The following MARCHF11 variants were observed in gnomAD, a reference collection of about 807,000 sequenced individuals.
MARCHF11 encodes the protein membrane associated ring-CH-type finger 11, also known as E3 ubiquitin-protein ligase MARCHF11.
Under a neutral mutation model 37.3 loss-of-function variants are expected in MARCHF11, and 29 were observed. That is an observed-to-expected ratio of 0.78 (90% confidence interval 0.58 to 1.06). The LOEUF (loss-of-function observed/expected upper bound fraction) is 1.06. MARCHF11 is among the 50% of genes least tolerant of loss of function. The pLI is 0.00. For synonymous variants in MARCHF11, 233 were observed against 228.0 expected, an observed-to-expected ratio of 1.02 and a Z score of -0.20; for missense variants, 482 against 533.4, an observed-to-expected ratio of 0.90 and a Z score of 0.95.
At chr5:16,108,791 A>G (rs1233931862) in intron 2 of MARCHF11, among the ~76,000 whole-genome samples, 1 of 152,144 alleles carries the variant, frequency 6.6e-6, no homozygotes, top group Non-Finnish European at 1.5e-5. Context: ...AAGTTACCTG[A>G]GGATGTTGTG....
chr5:16,081,601 C>T (rs1736609953), intron 3 of MARCHF11, among the ~76,000 whole-genome samples: 1 of 152,200 alleles, frequency 6.6e-6, no homozygotes, highest in Non-Finnish European at 1.5e-5. Context: ...AGGCTCAGCA[C>T]CACGGTAAAT....
chr5:16,114,829 T>A (rs1211100117), intron 2 of MARCHF11, among the ~76,000 whole-genome samples: 1 of 152,064 alleles, frequency 6.6e-6, no homozygotes, highest in African/African-American at 2.4e-5. Flanking sequence ...ACGGCTACCA[T>A]AATTATTAAT....
rs11372480 is a variant in MARCHF11, at chr5:16,077,357, C to CAA, written c.887-9566_887-9565dup. 1.1e-4 allele frequency among the ~76,000 whole-genome samples: 17 copies of CAA among 149,196 alleles called. No individual in the cohort carries two copies. The South Asian group carries it at 2.3e-3, about 21-fold the overall frequency. On this transcript the variant is annotated intron_variant, in intron 3 of 3. Transcript: ENST00000332432. ...GGATAAACTGTCTACTGCAAACTCACAAAAAAAAACGATTTTAATAATTTT... is the reference window on the plus strand; with the variant it reads ...GGATAAACTGTCTACTGCAAACTCACAAAAAAAAAAACGATTTTAATAATTTT...
At chr5:16,172,839 T>C (rs189407457) in intron 2 of MARCHF11, among the ~76,000 whole-genome samples, 2 of 152,262 alleles carry the variant, frequency 1.3e-5, no homozygotes, top group East Asian at 1.9e-4. Flanking sequence ...TACAAGAAGG[T>C]CTGGAAGCTG....
At chr5:16,120,155 T>C (rs1433517183) in intron 2 of MARCHF11, among the ~76,000 whole-genome samples, 1 of 152,254 alleles carries the variant, frequency 6.6e-6, no homozygotes, top group Non-Finnish European at 1.5e-5. Context: ...CAGAAGCATT[T>C]GCTCCTTCTT....
chr5:16,119,927 C>T (rs6895469), intron 2 of MARCHF11, among the ~76,000 whole-genome samples: 4,504 of 152,260 alleles, frequency 0.03, 233 homozygotes, highest in African/African-American at 0.1. Context: ...CCTTCACAAA[C>T]GAATTCCCAT....
chr5:16,125,921 A>G (rs1387077613), intron 2 of MARCHF11, among the ~76,000 whole-genome samples: 1 of 152,196 alleles, frequency 6.6e-6, no homozygotes. Flanking sequence ...GTTTTGCCTG[A>G]AATCTGTAGA....
At chr5:16,078,359 A>C (rs1319604687) in intron 3 of MARCHF11, among the ~76,000 whole-genome samples, 1 of 152,214 alleles carries the variant, frequency 6.6e-6, no homozygotes, top group East Asian at 1.9e-4. Context: ...TGTTGCCCAG[A>C]TCACAGTAAA....
intron 2 of MARCHF11, 52 bp downstream of exon 2, chr5:16,177,674 C>T (rs1455380748): frequency 1.3e-6 from 2 of 1,490,264 alleles, no homozygotes; most frequent in African/African-American, 1.4e-5. Context: ...AGCTTAAGTG[C>T]ATTCATGTTA....
intron 2 of MARCHF11, among the ~76,000 whole-genome samples, chr5:16,145,560 C>A (rs901556382): frequency 4.6e-5 from 7 of 152,068 alleles, no homozygotes; most frequent in African/African-American, 1.7e-4. Context: ...GCAATCCAAG[C>A]AGACTAATAA....
At chr5:16,160,436 T>C (rs1312496730) in intron 2 of MARCHF11, among the ~76,000 whole-genome samples, 1 of 147,258 alleles carries the variant, frequency 6.8e-6, no homozygotes, top group Non-Finnish European at 1.5e-5. Context: ...AATAAAAATA[T>C]AAAATATCTT....
intron 2 of MARCHF11, among the ~76,000 whole-genome samples, chr5:16,100,565 T>C (rs762782997): frequency 1.3e-5 from 2 of 152,154 alleles, no homozygotes; most frequent in Non-Finnish European, 2.9e-5. Flanking sequence ...TAGCTGTAGG[T>C]GGCCAGGGAA....
At chr5:16,168,807 G>A (rs749880149) in intron 2 of MARCHF11, among the ~76,000 whole-genome samples, 1 of 152,012 alleles carries the variant, frequency 6.6e-6, no homozygotes, top group Non-Finnish European at 1.5e-5. Flanking sequence ...CTCAATACAG[G>A]CCTGGCAAAT....
rs1380473251 is a variant in MARCHF11 at position 16,179,147 on chromosome 5, C to G, written c.429G>C (p.Ser143=). The change falls in exon 1 of 4, where the codon TCG becomes TCC. Residue 143 remains serine, a synonymous_variant. Transcript: ENST00000332432. ...RGAGDQPETR[S]VCSSRSSSSG... is the part of the protein sequence containing the mutation. ...TGCTGCTGCTGCGGCTGCTGCACAC[C>G]GAGCGCGTCTCGGGCTGGTCTCCGG... 1.4e-6 allele frequency: 2 copies of G among 1,473,148 alleles called. No individual in the cohort carries two copies. Among genetic ancestry groups the G allele is most frequent in the East Asian group, 3.0e-5 (1 of 33,540 alleles). The allele number at this position is 1,473,148 out of a possible 1,614,324, so 91.3% of individuals were successfully genotyped here.
chr5:16,141,937 G>A (rs1422238395), intron 2 of MARCHF11, among the ~76,000 whole-genome samples: 2 of 152,120 alleles, frequency 1.3e-5, no homozygotes, highest in African/African-American at 4.8e-5. Flanking sequence ...ATTCGTGGGG[G>A]GATCTCCTTC....
intron 2 of MARCHF11, among the ~76,000 whole-genome samples, chr5:16,172,517 G>A (rs576919923): frequency 6.6e-6 from 1 of 152,254 alleles, no homozygotes; most frequent in African/African-American, 2.4e-5. Context: ...AAAGTCAAAG[G>A]GGTGGCTCAC....
chr5:16,178,115 C>T (rs953638783), intron 1 of MARCHF11, among the ~76,000 whole-genome samples: 10 of 152,228 alleles, frequency 6.6e-5, no homozygotes, highest in African/African-American at 2.4e-4. Flanking sequence ...TACAAAATGT[C>T]TGCAAGATAT....
chr5:16,113,517 T>C (rs942322646), intron 2 of MARCHF11, among the ~76,000 whole-genome samples: 3 of 152,178 alleles, frequency 2.0e-5, no homozygotes, highest in African/African-American at 7.2e-5. Flanking sequence ...AAATGAAACA[T>C]GCATACATGG....
chr5:16,131,767 A>G (rs1357401190), intron 2 of MARCHF11, among the ~76,000 whole-genome samples: 1 of 152,228 alleles, frequency 6.6e-6, no homozygotes, highest in Non-Finnish European at 1.5e-5. Context: ...GCTTAAATGG[A>G]AAGATCACTA....
Sources: gnomAD v4.1 joint callset for allele counts (sites outside exome capture counted in the v4.1 genomes callset) on GRCh38, gnomAD v4.1.1 for gene constraint, MANE v1.5 for transcripts, NCBI Gene and HGNC (gene_info 2026-07-23, HGNC 2026-07-21) for gene names.